Variants in ACAP1 observed in about 807,000 individuals in gnomAD.
ACAP1 encodes arf-GAP with coiled-coil, ANK repeat and PH domain-containing protein 1.
In ACAP1, 45 loss-of-function variants were observed where a neutral mutation model predicts 98.8. The ratio of observed to expected loss-of-function variants is 0.46; its 90% confidence interval spans 0.36 to 0.58. The LOEUF (loss-of-function observed/expected upper bound fraction) is 0.58, where lower values mean the gene tolerates loss of function less well. Among genes scored for constraint, ACAP1 ranks in the 20% least tolerant of loss-of-function variants. The pLI, the probability that ACAP1 is intolerant of heterozygous loss-of-function variation, is 0.00. For missense variants in ACAP1, 735 were observed against 971.4 expected (o/e 0.76, Z 3.24); for synonymous variants, 362 against 375.3 (o/e 0.96, Z 0.41).
At chr17:7,349,568 G>A in intron 18 of ACAP1, 1 of 258,982 alleles carries the variant, frequency 3.9e-6, no homozygotes, top group Non-Finnish European at 7.4e-6. Flanking sequence ...GTAGAGATAG[G>A]GTTTCACCGT....
intron 2 of ACAP1, among the ~76,000 whole-genome samples, chr17:7,339,747 T>G (rs994445492): frequency 2.0e-5 from 3 of 152,222 alleles, no homozygotes. Flanking sequence ...CTATGGTACT[T>G]TATCACGTGT....
chr17:7,339,953 TC>T (rs1199705618), intron 2 of ACAP1, among the ~76,000 whole-genome samples: 1 of 151,788 alleles, frequency 6.6e-6, no homozygotes. Flanking sequence ...GGCTTCCCCC[TC>T]CCCCCTCACT....
In ACAP1 at chr17:7,343,509, T is replaced by C. The variant is rs754687363; in HGVS notation, c.475T>C (p.Leu159=). Residue 159 remains leucine, a synonymous_variant, in exon 6 of 22, where the codon TTG becomes CTG. Transcript: ENST00000158762. The surrounding 1 kb of genome is among the most constrained non-coding windows in gnomAD (Gnocchi z 4.9). Reference sequence around the variant, plus strand: ...GGAGGCAGAAGAGGCAGGAGCTGCTTTGAGGACGGCTCGAGCTGGGTACCG... The same window carrying C: ...GGAGGCAGAAGAGGCAGGAGCTGCTCTGAGGACGGCTCGAGCTGGGTACCG... ...AQEAEEAGAA[L]RTARAGYRGR... is the part of the protein sequence containing the mutation. 1 of 1,614,040 alleles carries C rather than the reference T, an allele frequency of 6.2e-7. No individual in the cohort carries two copies. The highest frequency in any genetic ancestry group is 8.5e-7 in the Non-Finnish European group (1 of 1,179,952).
rs1369550896 is a variant in ACAP1 at position 7,343,615 on chromosome 17, G to A, written c.528+53G>A. 9.4e-6 allele frequency: 15 copies of A among 1,596,536 alleles called. No homozygotes were observed. The highest frequency in any genetic ancestry group is 2.2e-5 in the East Asian group (1 of 44,636). On this transcript the variant is annotated intron_variant, in intron 6 of 21. Coordinates refer to ENST00000158762, the MANE Select transcript of ACAP1 (RefSeq NM_014716.4). The surrounding 1 kb of genome is among the most constrained non-coding windows in gnomAD (Gnocchi z 4.9). Reference sequence around the variant, plus strand: ...GTACCAGAGCCTCAAGTGTCACCTCGAGGCTTGGGGGTCTCCAGTGTGCAG... The same window carrying A: ...GTACCAGAGCCTCAAGTGTCACCTCAAGGCTTGGGGGTCTCCAGTGTGCAG...
In ACAP1 at chr17:7,342,038, C is replaced by G; in HGVS notation, c.202C>G (p.Arg68Gly). 1 of 1,614,066 alleles carries G rather than the reference C, an allele frequency of 6.2e-7. No homozygotes were observed. The highest frequency in any genetic ancestry group is 1.3e-5 in the African/African-American group (1 of 74,990). Residue 68 changes from arginine to glycine, a missense_variant, in exon 3 of 22, where the codon CGC (arginine) becomes GGC (glycine). Physicochemically the swap from Arg to Gly is moderately radical, Grantham distance 125. Coordinates refer to ENST00000158762, the MANE Select transcript of ACAP1 (RefSeq NM_014716.4). Reference protein sequence around the residue: ...AFVVGICDLARLGPPEPMMAE... With the variant: ...AFVVGICDLAGLGPPEPMMAE... ...CGTTGTCGGCATTTGTGACCTGGCC[C>G]GCCTGGGTCCACCAGAGCCCATGAT...
intron 5 of ACAP1, 43 bp downstream of exon 5, chr17:7,342,517 A>G (rs2073296133): frequency 6.2e-7 from 1 of 1,600,940 alleles, no homozygotes; most frequent in Non-Finnish European, 8.6e-7. Flanking sequence ...TGTAATCCCA[A>G]CACTTTGGAA....
intron 21 of ACAP1, 48 bp downstream of exon 21, chr17:7,351,047 G>A: frequency 2.5e-6 from 4 of 1,572,222 alleles, no homozygotes; most frequent in Non-Finnish European, 2.6e-6. Context: ...CCTGAACTCT[G>A]GGCTTCTGGT....
At position 7,348,969 on chromosome 17, in the gene ACAP1, C is replaced by G. The variant is rs749461208; in HGVS notation, c.1679-26C>G. 4 of 1,608,218 alleles carry G rather than the reference C, an allele frequency of 2.5e-6. No homozygotes were observed. The South Asian group carries it at 3.3e-5, about 13-fold the overall frequency. On this transcript the variant is annotated intron_variant, in intron 17 of 21. Transcript: ENST00000158762. Reference sequence around the variant, plus strand: ...TTCCCAGACTCGGAGCTGCTTCCCCCTAACAGAACCAAATCCCCCGAACAG... The same window carrying G: ...TTCCCAGACTCGGAGCTGCTTCCCCGTAACAGAACCAAATCCCCCGAACAG...
chr17:7,337,184 T>C, intron 1 of ACAP1, 128 bp from the exon 2 acceptor site: 2 of 838,980 alleles, frequency 2.4e-6, no homozygotes. Flanking sequence ...AGTAGGTGGG[T>C]GGGGGGCGAG....
Position 7,347,072 on chromosome 17 carries a change from C to T in ACAP1, c.1173C>T (p.Gly391=). The T allele has an allele frequency of 3.1e-6, 5 of 1,610,238 alleles. No homozygotes were observed. The highest frequency in any genetic ancestry group is 4.2e-6 in the Non-Finnish European group (5 of 1,177,684). Residue 391 remains glycine (G), a synonymous_variant, in exon 14 of 22, where the codon GGC becomes GGT. Transcript: ENST00000158762. ...CCATAGGCTCTGCTGCCACCCTGGG[C>T]TCTGGTGGAATGGCCAGGGGAAGGG... ...HLAIGSAATL[G]SGGMARGREP... is the part of the protein sequence containing the mutation.
intron 1 of ACAP1, 167 bp from the exon 2 acceptor site, chr17:7,337,145 C>A: frequency 1.4e-6 from 1 of 715,546 alleles, no homozygotes; most frequent in South Asian, 1.7e-5. Flanking sequence ...GCTGTGGTAG[C>A]TCCCAGACTG....
chr17:7,348,391 G>A lies in ACAP1; in HGVS notation c.1594G>A (p.Gly532Ser). ...KLPEIRGRRG[G>S]RGRPRGQPPV... The stretch of plus-strand genomic sequence containing the variant: ...GCCTGAGATTCGAGGGCGAAGAGGT[G>A]GCCGGGGGCGCCCAAGGGGGCAGCC... Residue 532 changes from glycine to serine, a missense_variant, in exon 17 of 22, where the codon GGC becomes AGC. Gly to Ser is a moderately conservative substitution (Grantham distance 56, BLOSUM62 0). Coordinates refer to ENST00000158762, the MANE Select transcript of ACAP1 (RefSeq NM_014716.4). The A allele has an allele frequency of 6.4e-7, 1 of 1,561,214 alleles. No individual in the cohort carries two copies. Among genetic ancestry groups the A allele is most frequent in the Non-Finnish European group, 8.7e-7 (1 of 1,153,026 alleles).
In ACAP1 at chr17:7,347,940, C is replaced by T; in HGVS notation, c.1362C>T (p.Phe454=). 2.5e-6 allele frequency: 4 copies of T among 1,614,194 alleles called. No individual in the cohort carries two copies. Among genetic ancestry groups the T allele is most frequent in the Non-Finnish European group, 3.4e-6 (4 of 1,180,026 alleles). The change falls in exon 15 of 22, where the codon TTC becomes TTT. Residue 454 remains phenylalanine, a synonymous_variant. Coordinates refer to ENST00000158762, the MANE Select transcript of ACAP1 (RefSeq NM_014716.4). ...CCTCCAGGAGCCTTGGTGTTCACTT[C>T]TCCAAAGTCCGGTCTCTGACCCTTG... ...SGIHRSLGVH[F]SKVRSLTLDS... is the part of the protein sequence containing the mutation.
intron 10 of ACAP1, chr17:7,345,853 A>G (rs2073340953): frequency 5.7e-6 from 1 of 175,874 alleles, no homozygotes. Flanking sequence ...GAGTTTCACC[A>G]TATTGGTCAG....
intron 18 of ACAP1, 46 bp downstream of exon 18, chr17:7,349,213 C>T (rs1228589471): frequency 7.5e-6 from 12 of 1,602,694 alleles, no homozygotes; most frequent in African/African-American, 1.3e-5. Flanking sequence ...GGCTCTGACA[C>T]CTACTCCTGA....
intron 2 of ACAP1, among the ~76,000 whole-genome samples, chr17:7,341,675 G>A (rs2073280362): frequency 6.6e-6 from 1 of 152,224 alleles, no homozygotes; most frequent in South Asian, 2.1e-4. Flanking sequence ...TGTTTTGGAG[G>A]TAAGGCTGAC....
intron 2 of ACAP1, 22 bp from the exon 3 acceptor site, chr17:7,341,926 T>C (rs1567628667): frequency 6.2e-7 from 1 of 1,613,642 alleles, no homozygotes; most frequent in Non-Finnish European, 8.5e-7. Context: ...CACAGCTCCC[T>C]GTTACCCTCC....
Position 7,343,219 on chromosome 17 carries a change from G to T in ACAP1, c.345-160G>T. 1.5e-6 allele frequency: 1 copy of T among 681,012 alleles called. No individual in the cohort carries two copies. Among genetic ancestry groups the T allele is most frequent in the African/African-American group, 1.8e-5 (1 of 55,512 alleles). The allele number at this position is 681,012 out of a possible 1,614,324, so 42.2% of individuals were successfully genotyped here. ...AGCCTCCCCAGTGACGGAGTTGTGA[G>T]ATTGGGGGTTTCTGGTGTCCTGACT... On this transcript the variant is annotated intron_variant, in intron 5 of 21. Transcript: ENST00000158762. The surrounding 1 kb of genome is among the most constrained non-coding windows in gnomAD (Gnocchi z 4.9).
At chr17:7,349,280 CA>C in intron 18 of ACAP1, 113 bp downstream of exon 18, 11 of 1,170,782 alleles carry the variant, frequency 9.4e-6, no homozygotes, top group Non-Finnish European at 1.3e-5. Context: ...GGCTTCCACC[CA>C]TAGGGAGAGA....
Sources: allele counts gnomAD v4.1 joint callset (sites outside exome capture counted in the v4.1 genomes callset), GRCh38; gene constraint gnomAD v4.1.1; non-coding constraint Gnocchi (gnomAD v3.1); transcripts MANE v1.5; gene names NCBI Gene and HGNC (gene_info 2026-07-23, HGNC 2026-07-21).